The following KHDRBS2 variants were observed in gnomAD, a reference collection of about 807,000 sequenced individuals.
KHDRBS2 encodes the protein KH RNA binding domain containing, signal transduction associated 2, also known as KH domain-containing, RNA-binding, signal transduction-associated protein 2.
A neutral mutation model predicts 44.3 loss-of-function variants in KHDRBS2; 26 were observed. The ratio of observed to expected loss-of-function variants is 0.59; its 90% CI spans 0.43 to 0.81. The LOEUF (loss-of-function observed/expected upper bound fraction) is 0.81, where lower values mean the gene tolerates loss of function less well. Ranked by LOEUF, KHDRBS2 falls within the 40% of genes least tolerant of loss-of-function variation. The pLI is 0.00. For synonymous variants in KHDRBS2, 194 were observed against 151.1 expected, an observed-to-expected ratio of 1.28 and a Z score of -2.08; for missense variants, 476 against 433.1, an observed-to-expected ratio of 1.10 and a Z score of -0.88.
At chr6:62,267,198 T>A (rs1839351350) in intron 1 of KHDRBS2, among the ~76,000 whole-genome samples, 1 of 151,912 alleles carries the variant, frequency 6.6e-6, no homozygotes, top group South Asian at 2.1e-4. Flanking sequence ...AATTCCGGGG[T>A]TTCTCAAGAG....
chr6:61,625,145 T>C, the KHDRBS2 span, among the ~76,000 whole-genome samples: 1 of 151,876 alleles, frequency 6.6e-6, no homozygotes, highest in Non-Finnish European at 1.5e-5. Flanking sequence ...TTAATTGACA[T>C]GTGCAGCACT....
intron 3 of KHDRBS2, among the ~76,000 whole-genome samples, chr6:62,042,060 A>C (rs1190138167): frequency 6.6e-6 from 1 of 152,088 alleles, no homozygotes; most frequent in Non-Finnish European, 1.5e-5. Context: ...CACATACTGA[A>C]ATAATCTATT....
At chr6:61,777,268 C>T (rs1206298023) in intron 6 of KHDRBS2, among the ~76,000 whole-genome samples, 2 of 152,026 alleles carry the variant, frequency 1.3e-5, no homozygotes, top group Non-Finnish European at 2.9e-5. Flanking sequence ...TGCACATGTA[C>T]CCCAAAACTT....
chr6:61,684,362 C>T (rs1415140019), intron 8 of KHDRBS2, among the ~76,000 whole-genome samples: 1 of 151,766 alleles, frequency 6.6e-6, no homozygotes, highest in Non-Finnish European at 1.5e-5. Flanking sequence ...TGGAAGAGGC[C>T]CAAACATAGG....
chr6:61,625,712 T>C, the KHDRBS2 span, among the ~76,000 whole-genome samples: 2 of 152,214 alleles, frequency 1.3e-5, no homozygotes, highest in African/African-American at 4.8e-5. Context: ...AGGCTTTTCC[T>C]GCTCCTGCTC....
intron 3 of KHDRBS2, among the ~76,000 whole-genome samples, chr6:61,988,309 C>T (rs140469401): frequency 6.6e-6 from 1 of 152,316 alleles, no homozygotes; most frequent in East Asian, 1.9e-4. Context: ...TAGGTCTTCA[C>T]TCTGAATTAA....
At chr6:62,146,852 C>G (rs1562956080) in intron 2 of KHDRBS2, among the ~76,000 whole-genome samples, 1 of 151,722 alleles carries the variant, frequency 6.6e-6, no homozygotes, top group Non-Finnish European at 1.5e-5. Context: ...CAGACACACT[C>G]AAAAAAATAT....
At chr6:61,713,406 C>T (rs1344867088) in intron 7 of KHDRBS2, among the ~76,000 whole-genome samples, 1 of 151,466 alleles carries the variant, frequency 6.6e-6, no homozygotes, top group South Asian at 2.1e-4. Flanking sequence ...TTTGATTTTT[C>T]TTTTCTGAGG....
At chr6:62,224,262 T>C (rs9454678) in intron 1 of KHDRBS2, among the ~76,000 whole-genome samples, 5,436 of 152,204 alleles carry the variant, frequency 0.036, 333 homozygotes, top group African/African-American at 0.12. Flanking sequence ...CCATCAGATC[T>C]TGTGAGACGT....
the KHDRBS2 span, among the ~76,000 whole-genome samples, chr6:61,646,118 G>A: frequency 6.6e-6 from 1 of 152,144 alleles, no homozygotes. Context: ...TCCATATAAA[G>A]TACTTAGAAC....
intron 1 of KHDRBS2, among the ~76,000 whole-genome samples, chr6:62,268,954 C>A (rs975022487): frequency 3.9e-5 from 6 of 152,072 alleles, no homozygotes; most frequent in African/African-American, 1.4e-4. Context: ...TAAACACAAA[C>A]CTTCATTGTA....
chr6:61,902,248 C>T (rs112112083), intron 4 of KHDRBS2, among the ~76,000 whole-genome samples: 1,536 of 152,248 alleles, frequency 0.01, 12 homozygotes, highest in Middle Eastern at 0.017. Flanking sequence ...CGTGTCTGGC[C>T]GCAGTGTGAA....
At chr6:61,937,532 G>C (rs1384197985) in intron 4 of KHDRBS2, among the ~76,000 whole-genome samples, 1 of 151,860 alleles carries the variant, frequency 6.6e-6, no homozygotes, top group Non-Finnish European at 1.5e-5. Flanking sequence ...AACTTCTTGG[G>C]GGATTTTGTT....
intron 7 of KHDRBS2, among the ~76,000 whole-genome samples, chr6:61,708,369 A>C (rs1437128226): frequency 6.6e-6 from 1 of 151,620 alleles, no homozygotes; most frequent in Non-Finnish European, 1.5e-5. Flanking sequence ...ATATTAAATA[A>C]AATATATTGT....
intron 2 of KHDRBS2, among the ~76,000 whole-genome samples, chr6:62,074,650 A>T (rs536729568): frequency 8.6e-5 from 13 of 151,440 alleles, no homozygotes; most frequent in East Asian, 5.8e-4. Context: ...TAAAGTTTTT[A>T]AAAAATATAT....
chr6:61,954,839 T>C (rs1355635945), intron 4 of KHDRBS2, among the ~76,000 whole-genome samples: 1 of 111,168 alleles, frequency 9.0e-6, no homozygotes, highest in African/African-American at 3.3e-5. Flanking sequence ...TGCATATGTA[T>C]GTATACATAT....
chr6:61,678,223 C>A (rs1054196976), downstream of KHDRBS2, among the ~76,000 whole-genome samples: 1 of 151,952 alleles, frequency 6.6e-6, no homozygotes, highest in Admixed American at 6.6e-5. Flanking sequence ...GTTCTTTGAG[C>A]ATCAGCTCAG....
the KHDRBS2 span, among the ~76,000 whole-genome samples, chr6:61,643,945 G>A: frequency 6.6e-6 from 1 of 151,936 alleles, no homozygotes; most frequent in African/African-American, 2.4e-5. Flanking sequence ...CACACAACTA[G>A]TAACATTATT....
At chr6:62,140,183 T>G (rs1055572839) in intron 2 of KHDRBS2, among the ~76,000 whole-genome samples, 1 of 152,196 alleles carries the variant, frequency 6.6e-6, no homozygotes, top group Non-Finnish European at 1.5e-5. Context: ...TTTTAAAAGA[T>G]TCAATATTTT....
Sources: allele counts gnomAD v4.1 joint callset (sites outside exome capture counted in the v4.1 genomes callset), GRCh38; gene constraint gnomAD v4.1.1; transcripts MANE v1.5; gene names NCBI Gene and HGNC (gene_info 2026-07-23, HGNC 2026-07-21).